PLEKHA5: variants seen among roughly 807,000 people sequenced by gnomAD.
The protein encoded by PLEKHA5 is pleckstrin homology domain containing A5.
PLEKHA5 carries 55 observed loss-of-function variants against 181.9 expected under a neutral mutation model. The ratio of observed to expected loss-of-function variants is 0.30; its 90% CI spans 0.24 to 0.38. PLEKHA5 has a LOEUF of 0.38. Ranked by LOEUF, PLEKHA5 falls within the 10% of genes least tolerant of loss-of-function variation. The pLI, the probability that PLEKHA5 is intolerant of heterozygous loss-of-function variation, is 1.00. For missense variants in PLEKHA5, 1,432 were observed against 1,549.5 expected (o/e 0.92, Z 1.27); for synonymous variants, 535 against 529.4 (o/e 1.01, Z -0.15).
intron 11 of PLEKHA5, among the ~76,000 whole-genome samples, chr12:19,276,051 A>G: frequency 6.6e-6 from 1 of 152,342 alleles, no homozygotes; most frequent in Admixed American, 6.5e-5. Context: ...AGTCTAGGAA[A>G]ACCTTTGTAG....
chr12:19,301,128 C>T (rs2081370726), intron 15 of PLEKHA5, among the ~76,000 whole-genome samples: 1 of 152,046 alleles, frequency 6.6e-6, no homozygotes. Context: ...CCAGCCTGGG[C>T]AACAAGAGCG....
At chr12:19,373,613 A>T (rs566942330) in intron 31 of PLEKHA5, 1 of 151,962 alleles carries the variant, frequency 6.6e-6, no homozygotes, top group South Asian at 2.1e-4. Flanking sequence ...GGTTGCAGTG[A>T]GCCGAGGTCG....
chr12:19,287,670 C>A, intron 13 of PLEKHA5, 114 bp downstream of exon 13: 1 of 666,574 alleles, frequency 1.5e-6, no homozygotes, highest in Non-Finnish European at 2.7e-6. Context: ...AAAGAAAAAA[C>A]ATTACTGCTT....
chr12:19,192,575 C>T (rs938407058), intron 3 of PLEKHA5, among the ~76,000 whole-genome samples: 5 of 152,060 alleles, frequency 3.3e-5, no homozygotes, highest in South Asian at 2.1e-4. Flanking sequence ...TGGTGGCATT[C>T]GCCTCTAGTC....
rs1175589006 is a variant in PLEKHA5 at position 19,179,564 on chromosome 12, G to A, written c.227+47114G>A. 2.0e-5 allele frequency among the ~76,000 whole-genome samples: 3 copies of A among 152,188 alleles called. No homozygotes were observed. In the South Asian group the frequency reaches 6.2e-4, roughly 32 times the overall value. ...AATCTCAGCTACTCGGGAGGCTGAG[G>A]CAGGAGAATCGCTTGAACCCGGGAG... On this transcript the variant is annotated intron_variant, in intron 3 of 31. Transcript: ENST00000429027.
At chr12:19,300,900 C>T (rs147879648) in intron 15 of PLEKHA5, among the ~76,000 whole-genome samples, 18,706 of 150,278 alleles carry the variant, frequency 0.12, 1,196 homozygotes, top group South Asian at 0.17. Context: ...TTTGGGAGGC[C>T]GAGGTGGGCG....
intron 25 of PLEKHA5, among the ~76,000 whole-genome samples, chr12:19,350,437 TAATCTGCTAAAGGATCACTAAGTA>T (rs1212801010): frequency 2.0e-5 from 3 of 152,226 alleles, no homozygotes; most frequent in African/African-American, 7.2e-5. Flanking sequence ...CTGATTTTTG[TAATCTGCTAAAGGATCACTAAGTA>T]AAGTTTGAAA....
At position 19,302,981 on chromosome 12, in the gene PLEKHA5, G is replaced by A. The variant is rs574284266; in HGVS notation, c.2037+11284G>A. Among the ~76,000 whole-genome samples the A allele has an allele frequency of 6.2e-3, 764 of 123,850 alleles. 4 individuals carry two copies. Among genetic ancestry groups the A allele is most frequent in the Admixed American group, 0.014 (128 of 9,202 alleles). 81.3% of individuals were successfully genotyped at this position (123,850 alleles called of 152,430 possible). On this transcript the variant is annotated intron_variant, in intron 15 of 31. Transcript: ENST00000429027. The stretch of plus-strand genomic sequence containing the variant: ...CTGTTGCCCGGACTGGAGTGCAGCA[G>A]CGCCATCTCGGCTCACTGCAACCTC...
chr12:19,248,957 CT>C (rs1417188260), intron 3 of PLEKHA5, among the ~76,000 whole-genome samples: 1 of 152,110 alleles, frequency 6.6e-6, no homozygotes, highest in Admixed American at 6.6e-5. Context: ...TTTTCTACAG[CT>C]TCTATTATAA....
chr12:19,254,881 A>C (rs1475249940), intron 4 of PLEKHA5, among the ~76,000 whole-genome samples, 164 bp from the exon 5 acceptor site: 1 of 152,236 alleles, frequency 6.6e-6, no homozygotes, highest in Non-Finnish European at 1.5e-5. Context: ...GAAAAGCGTT[A>C]GCTGTATTTA....
chr12:19,347,608 G>A (rs2094401529), intron 24 of PLEKHA5, among the ~76,000 whole-genome samples: 1 of 152,062 alleles, frequency 6.6e-6, no homozygotes, highest in Admixed American at 6.6e-5. Flanking sequence ...CAAAGATGTG[G>A]ATGTTGCTAA....
rs145920283 is a variant in PLEKHA5, at chr12:19,234,871, A to G, written c.228-19069A>G. Among the ~76,000 whole-genome samples, 6 of 152,260 alleles carry G rather than the reference A, an allele frequency of 3.9e-5. No homozygotes were observed. The East Asian group carries it at 1.2e-3, about 29-fold the overall frequency. Reference sequence around the variant, plus strand: ...AGGATAGTAAGCTTACTATATTTTAATCTTCATACAGTATTTATAGGTTAT... The same window carrying G: ...AGGATAGTAAGCTTACTATATTTTAGTCTTCATACAGTATTTATAGGTTAT... On this transcript the variant is annotated intron_variant, in intron 3 of 31. Coordinates refer to ENST00000429027, the MANE Select transcript of PLEKHA5 (RefSeq NM_001256470.2).
In PLEKHA5 at chr12:19,320,659, T is replaced by A. The variant is rs763380609; in HGVS notation, c.2217+35T>A. The A allele has an allele frequency of 3.2e-6, 3 of 947,416 alleles. No homozygotes were observed. In the South Asian group the frequency reaches 5.6e-5, roughly 18 times the overall value. 58.7% of individuals were successfully genotyped at this position (947,416 alleles called of 1,614,324 possible). On this transcript the variant is annotated intron_variant, in intron 18 of 31. Transcript: ENST00000429027. Reference sequence around the variant, plus strand: ...AGTATGATATATGTGGTCAGTACTCTGTCGTATTCTCCGCCAAAAACACTG... The same window carrying A: ...AGTATGATATATGTGGTCAGTACTCAGTCGTATTCTCCGCCAAAAACACTG...
chr12:19,267,260 TG>T (rs2070773165), intron 8 of PLEKHA5, among the ~76,000 whole-genome samples: 5 of 152,294 alleles, frequency 3.3e-5, no homozygotes, highest in Middle Eastern at 3.4e-3. Context: ...TGGTTAACAA[TG>T]AACATGTTTG....
chr12:19,259,953 C>G (rs373735958), intron 6 of PLEKHA5, among the ~76,000 whole-genome samples: 3 of 151,894 alleles, frequency 2.0e-5, no homozygotes, highest in South Asian at 2.1e-4. Flanking sequence ...ACTGGCCTCT[C>G]GTTTTTTCTT....
chr12:19,340,959 A>AG (rs1010237736), intron 21 of PLEKHA5, among the ~76,000 whole-genome samples: 16 of 117,760 alleles, frequency 1.4e-4, no homozygotes, highest in African/African-American at 4.9e-4. Flanking sequence ...AAAAAAAAAA[A>AG]AAAGAAAGAA....
At chr12:19,242,431 C>T (rs1040139754) in intron 3 of PLEKHA5, among the ~76,000 whole-genome samples, 2 of 151,868 alleles carry the variant, frequency 1.3e-5, no homozygotes, top group Admixed American at 6.6e-5. Context: ...AGTAGAGACA[C>T]GGTTTCACCA....
intron 3 of PLEKHA5, among the ~76,000 whole-genome samples, chr12:19,157,636 T>C (rs2042059413): frequency 6.6e-6 from 1 of 152,204 alleles, no homozygotes; most frequent in Non-Finnish European, 1.5e-5. Context: ...TGTCATTTAT[T>C]GCATACACCA....
chr12:19,307,642 A>C, intron 15 of PLEKHA5: 3 of 321,042 alleles, frequency 9.3e-6, no homozygotes, highest in Non-Finnish European at 1.9e-5. Flanking sequence ...GAGTGATTAC[A>C]TTGTCAGTCT....
Sources: allele counts gnomAD v4.1 joint callset (sites outside exome capture counted in the v4.1 genomes callset), GRCh38; gene constraint gnomAD v4.1.1; transcripts MANE v1.5; gene names NCBI Gene and HGNC (gene_info 2026-07-23, HGNC 2026-07-21).